WAPL: variants seen among roughly 807,000 people sequenced by gnomAD.
WAPL encodes WAPL cohesin release factor.
A neutral mutation model predicts 121.0 loss-of-function variants in WAPL; 5 were observed. The ratio of observed to expected loss-of-function variants is 0.04; its 90% CI spans 0.02 to 0.09. The LOEUF (loss-of-function observed/expected upper bound fraction) is 0.09, where lower values mean the gene tolerates loss of function less well. WAPL is among the 10% of genes least tolerant of loss of function. The pLI is 1.00. For missense variants in WAPL, 999 were observed against 1,410.8 expected, an observed-to-expected ratio of 0.71 and a Z score of 4.68; for synonymous variants, 480 against 481.5, an observed-to-expected ratio of 1.00 and a Z score of 0.04.
chr10:86,461,198 A>T lies in WAPL; in HGVS notation c.2460T>A (p.Gly820=), dbSNP rs765358911. 1.1e-5 allele frequency: 18 copies of T among 1,613,550 alleles called. 1 individual carries two copies. Among genetic ancestry groups the T allele is most frequent in the Non-Finnish European group, 1.4e-5 (17 of 1,179,714 alleles). ...WFKEELRLLG[G]LDHIVDKVKE... Reference sequence around the variant, plus strand: ...TACCTTTATCTACAATATGATCCAGACCACCCAAAAGCCGGAGTTCTTCTT... The same window carrying T: ...TACCTTTATCTACAATATGATCCAGTCCACCCAAAAGCCGGAGTTCTTCTT... The change falls in exon 10 of 19, where the codon GGT becomes GGA. Residue 820 remains glycine (G), a synonymous_variant. Coordinates refer to ENST00000298767, the MANE Select transcript of WAPL (RefSeq NM_015045.5).
chr10:86,453,287 G>A lies in WAPL; in HGVS notation c.2882C>T (p.Ala961Val), dbSNP rs893689565. Reference protein sequence around the residue: ...TGEQDGLIGTALNCVLQVPKY... With the variant: ...TGEQDGLIGTVLNCVLQVPKY... ...TGGAACCTGAAGCACACAGTTCAGC[G>A]CTGTGCCTATGAGACCGTCCTGCTC... Residue 961 changes from alanine (A) to valine (V), a missense_variant, in exon 14 of 19, where the codon GCG becomes GTG. Coordinates refer to ENST00000298767, the MANE Select transcript of WAPL (RefSeq NM_015045.5). The A allele has an allele frequency of 1.2e-5, 19 of 1,613,952 alleles. No homozygotes were observed. The highest frequency in any genetic ancestry group is 3.3e-5 in the Admixed American group (2 of 59,990).
rs2132221282 is a variant in WAPL, at chr10:86,500,362, C to T, written c.881G>A (p.Arg294Lys). 1 of 1,614,160 alleles carries T rather than the reference C, an allele frequency of 6.2e-7. No individual in the cohort carries two copies. The change falls in exon 3 of 19, where the codon AGG becomes AAG. Residue 294 changes from arginine (R) to lysine (K), a missense_variant. By Grantham distance (26) the Arg-to-Lys change is conservative. Coordinates refer to ENST00000298767, the MANE Select transcript of WAPL (RefSeq NM_015045.5). ...VQSVLRPTNC[R>K]TYCRANKTKS... ...CGTTTTATTGGCCCTACAGTACGTC[C>T]TACAGTTGGTTGGCCTAAGAACACT...
intron 15 of WAPL, among the ~76,000 whole-genome samples, chr10:86,451,025 G>A (rs1038178656): frequency 6.6e-6 from 1 of 152,184 alleles, no homozygotes; most frequent in African/African-American, 2.4e-5. Context: ...TGGTCCATAA[G>A]GTCAAAGTTC....
chr10:86,497,387 A>T (rs41291398), intron 3 of WAPL, 68 bp from the exon 4 acceptor site: 12,625 of 1,124,016 alleles, frequency 0.011, 84 homozygotes, highest in Middle Eastern at 0.021. Context: ...ACCTATCAAG[A>T]TTATATATAC....
At chr10:86,488,010 G>C (rs1271331830) in intron 4 of WAPL, among the ~76,000 whole-genome samples, 1 of 152,186 alleles carries the variant, frequency 6.6e-6, no homozygotes, top group East Asian at 1.9e-4. Context: ...AGGTGAGGAA[G>C]ATGGTCAGCA....
intron 2 of WAPL, among the ~76,000 whole-genome samples, chr10:86,510,322 C>T (rs761879333): frequency 2.6e-5 from 4 of 152,128 alleles, no homozygotes; most frequent in Non-Finnish European, 5.9e-5. Context: ...ATCCACCCGC[C>T]TTGCCTCCCA....
intron 3 of WAPL, 86 bp downstream of exon 3, chr10:86,499,632 A>G: frequency 7.3e-7 from 1 of 1,373,502 alleles, no homozygotes; most frequent in South Asian, 1.5e-5. Context: ...AATATGGTTG[A>G]CCTTGGGTAA....
chr10:86,484,140 A>G (rs1589522013), intron 4 of WAPL, among the ~76,000 whole-genome samples: 1 of 152,358 alleles, frequency 6.6e-6, no homozygotes, highest in South Asian at 2.1e-4. Flanking sequence ...GTTTTAAGCT[A>G]TGTGTTATTA....
At chr10:86,492,127 GT>G in intron 4 of WAPL, among the ~76,000 whole-genome samples, 1 of 152,034 alleles carries the variant, frequency 6.6e-6, no homozygotes, top group East Asian at 1.9e-4. Context: ...AATATTCTTT[GT>G]GTCTGAGTTA....
intron 9 of WAPL, among the ~76,000 whole-genome samples, chr10:86,461,658 G>A (rs1199116102): frequency 6.6e-6 from 1 of 152,162 alleles, no homozygotes; most frequent in Non-Finnish European, 1.5e-5. Context: ...ACACTCTCAG[G>A]AGCAAAGTGT....
chr10:86,515,449 T>C lies in WAPL; in HGVS notation c.499+2122A>G, dbSNP rs755093872. ...TCATTTAACCTCTTTGAGCTTCTTATATAAAATGAGAGCTGAGTTAAAATT... is the reference window on the plus strand; with the variant it reads ...TCATTTAACCTCTTTGAGCTTCTTACATAAAATGAGAGCTGAGTTAAAATT... On this transcript the variant is annotated intron_variant, in intron 2 of 18. Coordinates refer to ENST00000298767, the MANE Select transcript of WAPL (RefSeq NM_015045.5). 2.6e-5 allele frequency among the ~76,000 whole-genome samples: 4 copies of C among 152,092 alleles called. 1 individual carries two copies. Among genetic ancestry groups the C allele is most frequent in the Non-Finnish European group, 5.9e-5 (4 of 68,024 alleles).
In WAPL at chr10:86,457,381, G is replaced by A. The variant is rs903952424; in HGVS notation, c.2657+1608C>T. On this transcript the variant is annotated intron_variant, in intron 12 of 18. Transcript: ENST00000298767. The stretch of plus-strand genomic sequence containing the variant: ...AATATATATAAAATAGGCCAGGCAC[G>A]GTGGCTCACATCTGTAATCCCAACA... Among the ~76,000 whole-genome samples, 18 of 149,986 alleles carry A rather than the reference G, an allele frequency of 1.2e-4. No homozygotes were observed. The South Asian group carries it at 2.3e-3, about 19-fold the overall frequency.
chr10:86,493,031 A>G (rs1033325381), intron 4 of WAPL, among the ~76,000 whole-genome samples: 1 of 151,278 alleles, frequency 6.6e-6, no homozygotes, highest in African/African-American at 2.4e-5. Context: ...ACTGCACTCG[A>G]GCCTGGGTGA....
intron 16 of WAPL, chr10:86,443,720 C>T (rs534549385): frequency 8.8e-5 from 17 of 192,446 alleles, no homozygotes; most frequent in South Asian, 3.3e-4. Context: ...CAAAAACAAC[C>T]CAATTAAAAC....
At chr10:86,450,568 T>C (rs1840952677) in intron 15 of WAPL, among the ~76,000 whole-genome samples, 1 of 152,178 alleles carries the variant, frequency 6.6e-6, no homozygotes, top group South Asian at 2.1e-4. Flanking sequence ...AAAATAAATG[T>C]TGTCAATGGG....
intron 4 of WAPL, among the ~76,000 whole-genome samples, chr10:86,490,622 T>C (rs1842026050): frequency 6.6e-6 from 1 of 152,192 alleles, no homozygotes; most frequent in South Asian, 2.1e-4. Flanking sequence ...CCATAACTGT[T>C]CATCCTAAGT....
At chr10:86,493,770 A>G (rs1274118596) in intron 4 of WAPL, among the ~76,000 whole-genome samples, 1 of 151,974 alleles carries the variant, frequency 6.6e-6, no homozygotes, top group South Asian at 2.1e-4. Context: ...GGGAGGCCAA[A>G]GCAGGTGGAT....
rs1292060350 is a variant in WAPL at position 86,521,584 on chromosome 10, G to A, written c.-242C>T. 9.1e-6 allele frequency: 4 copies of A among 440,932 alleles called. No individual in the cohort carries two copies. The highest frequency in any genetic ancestry group is 2.6e-5 in the Admixed American group (1 of 37,970). 27.3% of individuals were successfully genotyped at this position (440,932 alleles called of 1,614,324 possible). ...TCCCCGCCTCGAGCGCCGCCGGCCGGGCCCAGGCCTAGCTCTCGCTGGCCG... is the reference window on the plus strand; with the variant it reads ...TCCCCGCCTCGAGCGCCGCCGGCCGAGCCCAGGCCTAGCTCTCGCTGGCCG... On this transcript the variant is annotated 5_prime_UTR_variant, in exon 1 of 19. Transcript: ENST00000298767.
chr10:86,463,559 A>G (rs1316383542), intron 9 of WAPL, among the ~76,000 whole-genome samples: 2 of 152,226 alleles, frequency 1.3e-5, no homozygotes, highest in Non-Finnish European at 2.9e-5. Context: ...CTCACAGAAT[A>G]TTTTTGTAGA....
Sources: gnomAD v4.1 joint callset for allele counts (sites outside exome capture counted in the v4.1 genomes callset) on GRCh38, gnomAD v4.1.1 for gene constraint, MANE v1.5 for transcripts, NCBI Gene and HGNC (gene_info 2026-07-23, HGNC 2026-07-21) for gene names.